Variants in ACACA observed in about 807,000 individuals in gnomAD.
The protein encoded by ACACA is acetyl-CoA carboxylase 1.
In ACACA, 103 loss-of-function variants were observed where a neutral mutation model predicts 296.1. The observed-to-expected ratio is 0.35, with a 90% CI of 0.30 to 0.41. ACACA has a LOEUF of 0.41. Ranked by LOEUF, ACACA falls within the 10% of genes least tolerant of loss-of-function variation. ACACA has a pLI of 1.00. For synonymous variants in ACACA, 953 were observed against 1,038.6 expected, an observed-to-expected ratio of 0.92 and a Z score of 1.58; for missense variants, 1,554 against 2,989.7, an observed-to-expected ratio of 0.52 and a Z score of 11.20.
At chr17:37,257,439 C>T (rs1421722703) in intron 14 of ACACA, among the ~76,000 whole-genome samples, 1 of 152,098 alleles carries the variant, frequency 6.6e-6, no homozygotes, top group Non-Finnish European at 1.5e-5. Context: ...TTAAAGCAAT[C>T]AATTTTATAC....
intron 12 of ACACA, 88 bp from the exon 13 acceptor site, chr17:37,258,461 T>G (rs1169829921): frequency 3.0e-5 from 39 of 1,312,106 alleles, no homozygotes; most frequent in Non-Finnish European, 3.8e-5. Context: ...ATATTTTTAT[T>G]TTTGGAGCCA....
chr17:37,237,431 G>A (rs1018373583), intron 24 of ACACA, among the ~76,000 whole-genome samples: 3 of 152,108 alleles, frequency 2.0e-5, no homozygotes, highest in African/African-American at 7.2e-5. Flanking sequence ...AACTTTATTA[G>A]GTACTGACCA....
chr17:37,274,076 G>A, intron 9 of ACACA, 117 bp downstream of exon 9: 1 of 842,138 alleles, frequency 1.2e-6, no homozygotes, highest in Non-Finnish European at 2.1e-6. Context: ...TACACCTCCT[G>A]GTCTTACATC....
In ACACA at chr17:37,339,680, C is replaced by T; in HGVS notation, c.85+124G>A. The T allele has an allele frequency of 1.0e-5, 7 of 680,298 alleles. No individual in the cohort carries two copies. The South Asian group carries it at 1.2e-4, about 11-fold the overall frequency. 42.1% of individuals were successfully genotyped at this position (680,298 alleles called of 1,614,324 possible). A position where few individuals can be genotyped will look rare whatever the true frequency, so the allele number is the denominator to read the frequency against. The stretch of plus-strand genomic sequence containing the variant: ...TCTTTGTTCACTTCAGGTTATCCAC[C>T]CTAAATCTGCCTATATTATTTTGTG... On this transcript the variant is annotated intron_variant, in intron 2 of 55. Transcript: ENST00000616317.
intron 35 of ACACA, among the ~76,000 whole-genome samples, chr17:37,198,577 G>A (rs1355860281): frequency 6.6e-6 from 1 of 152,002 alleles, no homozygotes; most frequent in African/African-American, 2.4e-5. Context: ...AAAGCCCTAG[G>A]GTTCTTTTTA....
chr17:37,343,441 T>G (rs1049403440), intron 1 of ACACA, among the ~76,000 whole-genome samples: 10 of 152,190 alleles, frequency 6.6e-5, no homozygotes, highest in African/African-American at 2.2e-4. Context: ...CAACATGTCC[T>G]TGCCTCTCAA....
intron 25 of ACACA, among the ~76,000 whole-genome samples, chr17:37,230,022 T>C (rs955752890): frequency 7.9e-5 from 12 of 151,488 alleles, no homozygotes; most frequent in Non-Finnish European, 1.5e-4. Context: ...GATTGCGTCA[T>C]TGCACTACAG....
intron 1 of ACACA, among the ~76,000 whole-genome samples, chr17:37,401,196 C>CTTTTTTTTTTTT (rs1234610912): frequency 7.4e-6 from 1 of 134,356 alleles, no homozygotes; most frequent in African/African-American, 2.7e-5. Flanking sequence ...TTTTGTTTTT[C>CTTTTTTTTTTTT]TTTTTTTTTT....
intron 10 of ACACA, among the ~76,000 whole-genome samples, 196 bp downstream of exon 10, chr17:37,270,555 C>A (rs1337595273): frequency 3.9e-5 from 6 of 152,112 alleles, no homozygotes; most frequent in Admixed American, 3.3e-4. Context: ...TTAAATAAAA[C>A]TTAAAATTGA....
At chr17:37,298,414 A>C (rs1008014305) in intron 3 of ACACA, among the ~76,000 whole-genome samples, 1 of 152,222 alleles carries the variant, frequency 6.6e-6, no homozygotes, top group Non-Finnish European at 1.5e-5. Context: ...GATGCCAGGC[A>C]CAGTGGCCTG....
At chr17:37,333,745 T>C (rs1370237812) in intron 2 of ACACA, among the ~76,000 whole-genome samples, 1 of 149,752 alleles carries the variant, frequency 6.7e-6, no homozygotes, top group South Asian at 2.2e-4. Flanking sequence ...AAAGAAATAA[T>C]CCCCTGCCTT....
chr17:37,178,631 C>A (rs1212758046), intron 41 of ACACA, among the ~76,000 whole-genome samples: 1 of 151,918 alleles, frequency 6.6e-6, no homozygotes, highest in Non-Finnish European at 1.5e-5. Flanking sequence ...GAAACCCCAT[C>A]TCAAGAAAAA....
chr17:37,365,319 G>A lies in ACACA; in HGVS notation c.39-25469C>T, dbSNP rs540212061. The A allele has an allele frequency of 4.8e-5, 22 of 454,726 alleles. No individual in the cohort carries two copies. The South Asian group carries it at 2.0e-3, about 40-fold the overall frequency. 28.2% of individuals were successfully genotyped at this position (454,726 alleles called of 1,614,324 possible). The stretch of plus-strand genomic sequence containing the variant: ...TCTGCATACTGGTTTTAGCTCTCCA[G>A]TTAAATCCTGAAGGCAGAGACCATC... On this transcript the variant is annotated intron_variant, in intron 1 of 55. Transcript: ENST00000616317.
chr17:37,124,901 C>G (rs142239257), intron 48 of ACACA, among the ~76,000 whole-genome samples: 44 of 152,268 alleles, frequency 2.9e-4, no homozygotes, highest in African/African-American at 9.4e-4. Context: ...CCCAATGTGG[C>G]ATGTTTGAGA....
At chr17:37,191,989 T>TA (rs2077776934) in intron 37 of ACACA, 101 bp downstream of exon 37, 3 of 1,197,260 alleles carry the variant, frequency 2.5e-6, no homozygotes, top group Non-Finnish European at 3.6e-6. Flanking sequence ...ATCTTTTTTT[T>TA]ATGTTCTCTC....
At chr17:37,255,952 G>A (rs1176582510) in intron 14 of ACACA, among the ~76,000 whole-genome samples, 1 of 152,046 alleles carries the variant, frequency 6.6e-6, no homozygotes, top group Admixed American at 6.6e-5. Context: ...TTACCATGTT[G>A]GCGAAGTTGG....
chr17:37,268,156 C>A (rs942412155), intron 10 of ACACA, among the ~76,000 whole-genome samples: 1 of 152,134 alleles, frequency 6.6e-6, no homozygotes, highest in Non-Finnish European at 1.5e-5. Flanking sequence ...ATTATATAAA[C>A]CCTCTGTGGG....
chr17:37,401,268 C>T (rs954326573), intron 1 of ACACA, among the ~76,000 whole-genome samples: 1 of 149,154 alleles, frequency 6.7e-6, no homozygotes, highest in African/African-American at 2.5e-5. Context: ...TCTTGGCTCA[C>T]TGCAACCTCC....
chr17:37,108,283 G>A (rs2073797941), intron 52 of ACACA, among the ~76,000 whole-genome samples: 1 of 151,898 alleles, frequency 6.6e-6, no homozygotes, highest in Admixed American at 6.6e-5. Context: ...AACTAACCAT[G>A]TAAGATGACA....
Sources: gnomAD v4.1 joint callset for allele counts (sites outside exome capture counted in the v4.1 genomes callset) on GRCh38, gnomAD v4.1.1 for gene constraint, MANE v1.5 for transcripts, NCBI Gene and HGNC (gene_info 2026-07-23, HGNC 2026-07-21) for gene names.